The following ASTN2 variants were observed in gnomAD, a reference collection of about 807,000 sequenced individuals.
ASTN2 encodes astrotactin 2, also known as astrotactin-2.
In ASTN2, 54 loss-of-function variants were observed where a neutral mutation model predicts 139.8. The ratio of observed to expected loss-of-function variants is 0.39; its 90% confidence interval spans 0.31 to 0.48. ASTN2 has a LOEUF of 0.48. ASTN2 is among the 20% of genes least tolerant of loss of function. The pLI is 0.95. For synonymous variants in ASTN2, 756 were observed against 719.5 expected, an observed-to-expected ratio of 1.05 and a Z score of -0.81; for missense variants, 1,565 against 1,725.1, an observed-to-expected ratio of 0.91 and a Z score of 1.64.
intron 5 of ASTN2, among the ~76,000 whole-genome samples, chr9:117,043,778 G>T (rs1427313273): frequency 6.6e-6 from 1 of 151,934 alleles, no homozygotes; most frequent in Non-Finnish European, 1.5e-5. Flanking sequence ...CATGGTGGCA[G>T]GTGCCTGTAG....
chr9:117,148,624 G>A (rs192248558), intron 3 of ASTN2, among the ~76,000 whole-genome samples: 312 of 152,252 alleles, frequency 2.0e-3, no homozygotes, highest in Non-Finnish European at 3.3e-3. Flanking sequence ...CCAAGTTTTA[G>A]GATAATTTTA....
chr9:116,808,682 C>T (rs1459033009), intron 12 of ASTN2, among the ~76,000 whole-genome samples: 2 of 152,100 alleles, frequency 1.3e-5, no homozygotes, highest in Admixed American at 1.3e-4. Flanking sequence ...AAAACAGATA[C>T]TCAGAAAAGA....
chr9:116,569,807 A>T (rs1165058523), intron 19 of ASTN2, among the ~76,000 whole-genome samples: 1 of 152,208 alleles, frequency 6.6e-6, no homozygotes, highest in Non-Finnish European at 1.5e-5. Flanking sequence ...TTGATACCTA[A>T]GTGGAGACCT....
At chr9:116,641,968 C>T (rs1857351354) in intron 17 of ASTN2, among the ~76,000 whole-genome samples, 1 of 151,854 alleles carries the variant, frequency 6.6e-6, no homozygotes. Context: ...AAGGTTTAAG[C>T]TAGATTATAG....
intron 1 of ASTN2, among the ~76,000 whole-genome samples, chr9:117,309,083 TTATA>T (rs1377527762): frequency 6.6e-6 from 1 of 152,230 alleles, no homozygotes; most frequent in African/African-American, 2.4e-5. Flanking sequence ...TTATATCACA[TTATA>T]TATTCATTTA....
At chr9:116,647,473 T>C (rs1373776182) in intron 17 of ASTN2, among the ~76,000 whole-genome samples, 1 of 152,154 alleles carries the variant, frequency 6.6e-6, no homozygotes, top group Non-Finnish European at 1.5e-5. Context: ...CAGAAAGACC[T>C]CACTGGATTT....
intron 1 of ASTN2, among the ~76,000 whole-genome samples, chr9:117,397,380 G>A (rs555572627): frequency 6.6e-6 from 1 of 152,210 alleles, no homozygotes; most frequent in East Asian, 1.9e-4. Flanking sequence ...AACAAAGAAA[G>A]TCACTTAAAT....
chr9:116,429,150 C>A (rs753566497), intron 22 of ASTN2, among the ~76,000 whole-genome samples: 5 of 151,834 alleles, frequency 3.3e-5, no homozygotes, highest in Non-Finnish European at 7.4e-5. Flanking sequence ...ACCAGCCTGG[C>A]CAACATGGTG....
chr9:116,754,695 C>T (rs1231749877), intron 13 of ASTN2, among the ~76,000 whole-genome samples: 1 of 152,104 alleles, frequency 6.6e-6, no homozygotes, highest in Non-Finnish European at 1.5e-5. Context: ...TTGGCAATCC[C>T]TGTTGTATAG....
At chr9:117,379,586 A>G (rs1200359212) in intron 1 of ASTN2, among the ~76,000 whole-genome samples, 1 of 152,188 alleles carries the variant, frequency 6.6e-6, no homozygotes, top group East Asian at 1.9e-4. Context: ...AATTGAAGTA[A>G]ACAAACATTT....
chr9:116,644,365 A>G (rs1301156889), intron 17 of ASTN2, among the ~76,000 whole-genome samples: 1 of 151,900 alleles, frequency 6.6e-6, no homozygotes, highest in African/African-American at 2.4e-5. Flanking sequence ...AAGTCTGAAA[A>G]CCCGAGGGCT....
At chr9:117,026,684 C>T (rs1838095838) in intron 6 of ASTN2, among the ~76,000 whole-genome samples, 1 of 138,880 alleles carries the variant, frequency 7.2e-6, no homozygotes. Context: ...CTTAGGCAAC[C>T]TCAGATTCAC....
chr9:116,765,073 G>A (rs545244115), intron 13 of ASTN2, among the ~76,000 whole-genome samples: 6 of 152,172 alleles, frequency 3.9e-5, no homozygotes, highest in South Asian at 2.1e-4. Context: ...TACAAAATAC[G>A]TGCTAATGAC....
intron 2 of ASTN2, among the ~76,000 whole-genome samples, chr9:117,269,389 T>A (rs1231633996): frequency 6.6e-6 from 1 of 152,200 alleles, no homozygotes; most frequent in Non-Finnish European, 1.5e-5. Context: ...GAGTGCATAT[T>A]TAATTACACT....
chr9:117,400,407 C>T (rs1008944271), intron 1 of ASTN2, among the ~76,000 whole-genome samples: 11 of 151,946 alleles, frequency 7.2e-5, no homozygotes, highest in Non-Finnish European at 1.5e-4. Flanking sequence ...TGAGTGGGGG[C>T]GATTCCCTAG....
chr9:116,996,452 C>T (rs2418448), intron 7 of ASTN2, among the ~76,000 whole-genome samples: 10,289 of 151,904 alleles, frequency 0.068, 1,043 homozygotes, highest in African/African-American at 0.22. Context: ...TTACTATTTA[C>T]TATAAAGGAA....
chr9:116,860,702 A>T (rs1016563251), intron 11 of ASTN2, among the ~76,000 whole-genome samples: 9 of 152,120 alleles, frequency 5.9e-5, no homozygotes, highest in Non-Finnish European at 1.2e-4. Context: ...TTGGTCCTCC[A>T]CCCTGCCACC....
chr9:116,603,592 C>T (rs1232054315), intron 19 of ASTN2, among the ~76,000 whole-genome samples: 2 of 152,168 alleles, frequency 1.3e-5, no homozygotes, highest in East Asian at 3.8e-4. Context: ...CTTAAAGAAC[C>T]AGTTTCAGTT....
intron 19 of ASTN2, among the ~76,000 whole-genome samples, chr9:116,586,812 T>A (rs1030597242): frequency 7.5e-5 from 6 of 79,954 alleles, no homozygotes; most frequent in Admixed American, 1.1e-4. Context: ...CAGTTGAAAT[T>A]CACACACACA....
Sources: gnomAD v4.1 joint callset for allele counts (sites outside exome capture counted in the v4.1 genomes callset) on GRCh38, gnomAD v4.1.1 for gene constraint, MANE v1.5 for transcripts, NCBI Gene and HGNC (gene_info 2026-07-23, HGNC 2026-07-21) for gene names.